Variants in SLC22A14 observed in about 807,000 individuals in gnomAD.
SLC22A14 encodes the protein organic cation transporter-like 4.
A neutral mutation model predicts 53.9 loss-of-function variants in SLC22A14; 50 were observed. The ratio of observed to expected loss-of-function variants is 0.93; its 90% CI spans 0.74 to 1.17. The LOEUF (loss-of-function observed/expected upper bound fraction) is 1.17. Among genes scored for constraint, SLC22A14 ranks in the 50% most tolerant of loss-of-function variants. The probability of loss-of-function intolerance (pLI) is 0.00; values close to 1 mark genes in which losing one functional copy is unlikely to be tolerated. For synonymous variants in SLC22A14, 312 were observed against 303.0 expected (o/e 1.03, Z -0.31); for missense variants, 671 against 734.7 (o/e 0.91, Z 1.00).
upstream of SLC22A14, among the ~76,000 whole-genome samples, chr3:38,280,733 G>A (rs1275299049): frequency 1.3e-5 from 2 of 151,950 alleles, no homozygotes; most frequent in African/African-American, 2.4e-5. Flanking sequence ...GGGTTCAAGC[G>A]ATTCTCTTGC....
At position 38,307,229 on chromosome 3, in the gene SLC22A14, G is replaced by T. The variant is rs751259241; in HGVS notation, c.517-25G>T. The T allele has an allele frequency of 6.4e-7, 1 of 1,568,224 alleles. No homozygotes were observed. Among genetic ancestry groups the T allele is most frequent in the Admixed American group, 1.7e-5 (1 of 59,968 alleles). ...CTGGACCCAAAGGTGGGCACCCGTG[G>T]CCAATCTCTGTGTCTGACCCACAGT... On this transcript the variant is annotated intron_variant, in intron 2 of 10. Coordinates refer to ENST00000448498, the MANE Select transcript of SLC22A14 (RefSeq NM_001320033.2). The surrounding 1 kb of genome is among the most constrained non-coding windows in gnomAD (Gnocchi z 4.4).
At chr3:38,296,810 G>T (rs62242685) in intron 1 of SLC22A14, among the ~76,000 whole-genome samples, 2 of 152,196 alleles carry the variant, frequency 1.3e-5, no homozygotes, top group African/African-American at 4.8e-5. Flanking sequence ...AGCTGTGCAG[G>T]AACAATGGCA....
In SLC22A14 at chr3:38,306,437, G is replaced by A; in HGVS notation, c.411G>A (p.Val137=). The stretch of plus-strand genomic sequence containing the variant: ...TGACATGCTTCATGTACCTTCCTGT[G>A]CCTTGGAATCTGGATTCTATCATCC... ...SFLTCFMYLP[V]PWNLDSIIQF... Residue 137 remains valine (V), a synonymous_variant, in exon 2 of 11, where the codon GTG becomes GTA. Transcript: ENST00000448498. 6.2e-7 allele frequency: 1 copy of A among 1,614,210 alleles called. No homozygotes were observed. Among genetic ancestry groups the A allele is most frequent in the Non-Finnish European group, 8.5e-7 (1 of 1,180,044 alleles).
chr3:38,304,758 A>T (rs1235797898), intron 1 of SLC22A14, among the ~76,000 whole-genome samples: 1 of 152,166 alleles, frequency 6.6e-6, no homozygotes, highest in Non-Finnish European at 1.5e-5. Flanking sequence ...CTTCATTGCA[A>T]TGTGTCTAGC....
chr3:38,291,133 C>T (rs1157727334), intron 1 of SLC22A14, among the ~76,000 whole-genome samples: 1 of 152,104 alleles, frequency 6.6e-6, no homozygotes, highest in Non-Finnish European at 1.5e-5. Context: ...TTAGTTTTGC[C>T]AGCTGAATGC....
At chr3:38,301,646 C>A (rs1367835847) in intron 1 of SLC22A14, among the ~76,000 whole-genome samples, 3 of 152,052 alleles carry the variant, frequency 2.0e-5, no homozygotes, top group Non-Finnish European at 4.4e-5. Flanking sequence ...TATCTCATTG[C>A]ACTGGCTAGG....
intron 6 of SLC22A14, 98 bp downstream of exon 6, chr3:38,313,217 G>A (rs1704521772): frequency 2.6e-6 from 4 of 1,531,896 alleles, no homozygotes; most frequent in East Asian, 4.6e-5. Context: ...TCCAGAGGGT[G>A]CCCCCAGTCC....
intron 1 of SLC22A14, among the ~76,000 whole-genome samples, chr3:38,299,941 AT>A (rs1428219397): frequency 6.6e-6 from 1 of 152,212 alleles, no homozygotes; most frequent in African/African-American, 2.4e-5. Context: ...TTTTCCCAAT[AT>A]TTTGTGATAC....
chr3:38,304,097 A>C (rs1266686079), intron 1 of SLC22A14, among the ~76,000 whole-genome samples: 1 of 151,594 alleles, frequency 6.6e-6, no homozygotes, highest in East Asian at 2.0e-4. Flanking sequence ...AGGCTGAGGC[A>C]GGAGAATGGC....
chr3:38,317,460 C>T (rs116689061), intron 10 of SLC22A14, among the ~76,000 whole-genome samples: 405 of 152,242 alleles, frequency 2.7e-3, no homozygotes, highest in African/African-American at 9.0e-3. Flanking sequence ...AAGGGAAGAA[C>T]GTTAATTTGG....
At chr3:38,297,800 T>C (rs1485707759) in intron 1 of SLC22A14, among the ~76,000 whole-genome samples, 1 of 152,220 alleles carries the variant, frequency 6.6e-6, no homozygotes, top group Non-Finnish European at 1.5e-5. Context: ...GCCAAATTTC[T>C]TCACTATGAA....
chr3:38,311,473 A>G (rs1437148263), intron 5 of SLC22A14, among the ~76,000 whole-genome samples: 1 of 152,258 alleles, frequency 6.6e-6, no homozygotes, highest in African/African-American at 2.4e-5. Context: ...AAATGAATAA[A>G]CAGCATGGCC....
chr3:38,312,966 A>G (rs976084574), intron 5 of SLC22A14, 33 bp from the exon 6 acceptor site: 4 of 1,567,680 alleles, frequency 2.6e-6, no homozygotes, highest in African/African-American at 2.7e-5. Context: ...GGCATCATAG[A>G]ACGGTGAGAT....
At chr3:38,316,566 G>A (rs1297864610) in intron 10 of SLC22A14, 42 bp downstream of exon 10, 1 of 1,572,328 alleles carries the variant, frequency 6.4e-7, no homozygotes, top group East Asian at 2.2e-5. Flanking sequence ...CACGGGGCCT[G>A]GCTCTGAAGC....
intron 5 of SLC22A14, among the ~76,000 whole-genome samples, chr3:38,312,364 C>T (rs912242491): frequency 2.0e-5 from 3 of 152,178 alleles, no homozygotes; most frequent in Non-Finnish European, 2.9e-5. Flanking sequence ...TTCACACATA[C>T]GTGCTTTTTA....
chr3:38,301,015 C>T (rs1486193735), intron 1 of SLC22A14, among the ~76,000 whole-genome samples: 2 of 151,922 alleles, frequency 1.3e-5, no homozygotes, highest in East Asian at 3.9e-4. Flanking sequence ...GGTTGGGTCT[C>T]GCTATATTAC....
rs149374163 is a variant in SLC22A14, at chr3:38,314,723, C to T, written c.1378+782C>T. ...GTGTGTGTCTGGATTAGGACCCTTC[C>T]ACTCCCAGATGCTGGCAGTGTAGAT... is the stretch of plus-strand genomic sequence containing the variant. On this transcript the variant is annotated intron_variant, in intron 8 of 10. Coordinates refer to ENST00000448498, the MANE Select transcript of SLC22A14 (RefSeq NM_001320033.2). Among the ~76,000 whole-genome samples, 250 of 152,346 alleles carry T rather than the reference C, an allele frequency of 1.6e-3. 1 individual carries two copies. Among genetic ancestry groups the T allele is most frequent in the Admixed American group, 0.015 (227 of 15,306 alleles).
chr3:38,316,549 G>A (rs1370395561), intron 10 of SLC22A14, 25 bp downstream of exon 10: 3 of 1,605,010 alleles, frequency 1.9e-6, no homozygotes, highest in African/African-American at 2.7e-5. Context: ...CTCCTGGGCT[G>A]TGCCAGCACG....
intron 6 of SLC22A14, 43 bp from the exon 7 acceptor site, chr3:38,313,345 G>A (rs1470711444): frequency 4.0e-6 from 6 of 1,502,846 alleles, no homozygotes; most frequent in Non-Finnish European, 5.6e-6. Flanking sequence ...GGAGCAAGCT[G>A]GGGTCTTGGC....
Sources: gnomAD v4.1 joint callset for allele counts (sites outside exome capture counted in the v4.1 genomes callset) on GRCh38, gnomAD v4.1.1 for gene constraint, Gnocchi (gnomAD v3.1) non-coding constraint, MANE v1.5 for transcripts, NCBI Gene and HGNC (gene_info 2026-07-23, HGNC 2026-07-21) for gene names.